CAMTA1: variants seen among roughly 807,000 people sequenced by gnomAD.
CAMTA1 encodes the protein calmodulin-binding transcription activator 1.
CAMTA1 carries 27 observed loss-of-function variants against 170.9 expected under a neutral mutation model. That is an observed-to-expected ratio of 0.16 (90% CI 0.12 to 0.22). The LOEUF is 0.22. CAMTA1 is among the 10% of genes least tolerant of loss of function. The pLI is 1.00. For missense variants in CAMTA1, 1,619 were observed against 2,217.2 expected, an observed-to-expected ratio of 0.73 and a Z score of 5.42; for synonymous variants, 833 against 891.5, an observed-to-expected ratio of 0.93 and a Z score of 1.17.
intron 4 of CAMTA1, among the ~76,000 whole-genome samples, chr1:7,103,776 CAT>C (rs979663336): frequency 6.6e-5 from 10 of 151,176 alleles, no homozygotes; most frequent in South Asian, 2.1e-4. Context: ...ACACAACACA[CAT>C]AACTACACGT....
At chr1:6,807,651 CG>C (rs1218966339) in intron 1 of CAMTA1, among the ~76,000 whole-genome samples, 5 of 148,422 alleles carry the variant, frequency 3.4e-5, no homozygotes, top group African/African-American at 1.3e-4. Flanking sequence ...ATCCAGGAGG[CG>C]GAGGTTGCAG....
At chr1:7,326,385 A>C (rs908331265) in intron 5 of CAMTA1, among the ~76,000 whole-genome samples, 24 of 152,320 alleles carry the variant, frequency 1.6e-4, no homozygotes, top group African/African-American at 5.8e-4. Context: ...GAGAGATTGA[A>C]TTCTGTCCCC....
At position 7,748,607 on chromosome 1, in the gene CAMTA1, A is replaced by G. The variant is rs1192045151; in HGVS notation, c.4689+826A>G. ...AGGGAATCCAGGGTGTGATACCGTG[A>G]TTGGAGAAAGTAAATGCTGGCTATT... On this transcript the variant is annotated intron_variant, in intron 19 of 22. Transcript: ENST00000303635. This position sits in a 1 kb window ranked among gnomAD's most constrained non-coding sequence, Gnocchi z 4.7. Among the ~76,000 whole-genome samples, 1 of 152,212 alleles carries G rather than the reference A, an allele frequency of 6.6e-6. No homozygotes were observed. The highest frequency in any genetic ancestry group is 1.5e-5 in the Non-Finnish European group (1 of 68,042).
intron 4 of CAMTA1, among the ~76,000 whole-genome samples, chr1:7,161,522 ATGATAGTGAATGAG>A (rs1470019931): frequency 7.7e-4 from 117 of 152,260 alleles, no homozygotes; most frequent in Admixed American, 2.0e-3. Context: ...TGCTGTTCTC[ATGATAGTGAATGAG>A]TCTCAGGAGA....
intron 3 of CAMTA1, among the ~76,000 whole-genome samples, chr1:7,052,716 C>T (rs1405068000): frequency 1.3e-5 from 2 of 152,194 alleles, no homozygotes; most frequent in Non-Finnish European, 2.9e-5. Flanking sequence ...TCCTCCTGAG[C>T]TGTGCCCACA....
chr1:6,794,137 G>T (rs775897757), intron 1 of CAMTA1, among the ~76,000 whole-genome samples: 1 of 152,212 alleles, frequency 6.6e-6, no homozygotes, highest in African/African-American at 2.4e-5. Flanking sequence ...ACATGCACAC[G>T]TATAAAGAAT....
chr1:7,397,880 C>T (rs1275148112), intron 5 of CAMTA1, among the ~76,000 whole-genome samples: 1 of 151,646 alleles, frequency 6.6e-6, no homozygotes, highest in Non-Finnish European at 1.5e-5. Flanking sequence ...CTTTTTGAGA[C>T]TTGTTTTGTG....
intron 4 of CAMTA1, among the ~76,000 whole-genome samples, chr1:7,129,817 C>T (rs991434509): frequency 6.6e-6 from 1 of 152,166 alleles, no homozygotes; most frequent in African/African-American, 2.4e-5. Context: ...CATCTCTAGA[C>T]AACCACTTAC....
Position 7,677,701 on chromosome 1 carries a change from C to A in CAMTA1, c.2882C>A (p.Pro961His), listed in dbSNP as rs2096136456. ...AAAGCCCGGGCTCTGCCCACGCTCC[C>A]TTCCTCCCAGCACGACTGGCTGTCG... ...EYKARALPTL[P>H]SSQHDWLSLD... Residue 961 changes from proline to histidine, a missense_variant, in exon 11 of 23, where the codon CCT becomes CAT. By Grantham distance (77) the Pro-to-His change is moderately conservative (BLOSUM62 -2). Around this residue, in one of 8 missense-constraint regions of CAMTA1, gnomAD observed 143 missense variants for 184.2 expected, o/e 0.78. Coordinates refer to ENST00000303635, the MANE Select transcript of CAMTA1 (RefSeq NM_015215.4). 2 of 1,614,016 alleles carry A rather than the reference C, an allele frequency of 1.2e-6. No homozygotes were observed. Among genetic ancestry groups the A allele is most frequent in the Non-Finnish European group, 1.7e-6 (2 of 1,180,022 alleles).
At chr1:7,719,817 T>C (rs1228501167) in intron 11 of CAMTA1, among the ~76,000 whole-genome samples, 1 of 152,212 alleles carries the variant, frequency 6.6e-6, no homozygotes, top group African/African-American at 2.4e-5. Flanking sequence ...TTTAGGAGAC[T>C]TCCTAAGCAG....
At chr1:6,943,737 C>T (rs1687094442) in intron 3 of CAMTA1, among the ~76,000 whole-genome samples, 1 of 151,046 alleles carries the variant, frequency 6.6e-6, no homozygotes, top group Non-Finnish European at 1.5e-5. Context: ...ACCCCAGCTA[C>T]TCAGGAGGCT....
At chr1:6,952,046 C>T (rs1055940276) in intron 3 of CAMTA1, among the ~76,000 whole-genome samples, 3 of 152,166 alleles carry the variant, frequency 2.0e-5, no homozygotes, top group South Asian at 2.1e-4. Context: ...GCCAGCCTGC[C>T]GTCTGCATCC....
At chr1:7,208,904 T>A (rs555274158) in intron 4 of CAMTA1, among the ~76,000 whole-genome samples, 21 of 152,286 alleles carry the variant, frequency 1.4e-4, no homozygotes, top group Middle Eastern at 3.4e-3. Context: ...TATAGAAAGC[T>A]ATGTGCTACA....
rs574844370 is a variant in CAMTA1 at position 7,588,888 on chromosome 1, G to A, written c.511-51512G>A. Among the ~76,000 whole-genome samples the A allele has an allele frequency of 3.3e-5, 5 of 152,200 alleles. No homozygotes were observed. Among genetic ancestry groups the A allele is most frequent in the Non-Finnish European group, 7.3e-5 (5 of 68,036 alleles). On this transcript the variant is annotated intron_variant, in intron 6 of 22. Coordinates refer to ENST00000303635, the MANE Select transcript of CAMTA1 (RefSeq NM_015215.4). The surrounding 1 kb of genome is among the most constrained non-coding windows in gnomAD (Gnocchi z 5.8). ...TGTTATTGGGCACCAGGGCAACCCC[G>A]CATCAGGTGCTTATTATTTTCTGCC... is the stretch of plus-strand genomic sequence containing the variant.
intron 1 of CAMTA1, among the ~76,000 whole-genome samples, chr1:6,796,962 A>C (rs1642676347): frequency 6.6e-6 from 1 of 152,228 alleles, no homozygotes; most frequent in South Asian, 2.1e-4. Context: ...AAACATTTAG[A>C]AATAAAACGT....
In CAMTA1 at chr1:7,463,707, G is replaced by A. The variant is rs149337017; in HGVS notation, c.439-4123G>A. ...GTAGGTGGGGGCAGAAATCTGCTGC[G>A]TCAGATGAGGCCGTAGAGAGCTGGC... On this transcript the variant is annotated intron_variant, in intron 5 of 22. Coordinates refer to ENST00000303635, the MANE Select transcript of CAMTA1 (RefSeq NM_015215.4). The surrounding 1 kb of genome is among the most constrained non-coding windows in gnomAD (Gnocchi z 4.7). Among the ~76,000 whole-genome samples the A allele has an allele frequency of 0.011, 1,684 of 152,270 alleles. 41 individuals are homozygous for A. Among genetic ancestry groups the A allele is most frequent in the African/African-American group, 0.036 (1,512 of 41,556 alleles).
At position 6,833,283 on chromosome 1, in the gene CAMTA1, G is replaced by T. The variant is rs1459848503; in HGVS notation, c.234+8073G>T. 4.3e-4 allele frequency among the ~76,000 whole-genome samples: 66 copies of T among 152,188 alleles called. 1 individual carries two copies. Among genetic ancestry groups the T allele is most frequent in the Admixed American group, 4.3e-3 (66 of 15,272 alleles). ...TTTTATTATACTATTACTTCAGCAT[G>T]TGGCACTTAACCTGGCCATAGTCAG... On this transcript the variant is annotated intron_variant, in intron 3 of 22. Transcript: ENST00000303635.
At chr1:7,491,335 C>A (rs2093700020) in intron 6 of CAMTA1, among the ~76,000 whole-genome samples, 1 of 152,176 alleles carries the variant, frequency 6.6e-6, no homozygotes, top group Admixed American at 6.5e-5. Flanking sequence ...ACTCTCACCC[C>A]CACCTGGTGA....
intron 6 of CAMTA1, among the ~76,000 whole-genome samples, chr1:7,548,052 G>A (rs2094724228): frequency 6.6e-6 from 1 of 152,238 alleles, no homozygotes; most frequent in Admixed American, 6.5e-5. Context: ...AAGATGGTCA[G>A]TGTGAGCATT....
Sources: allele counts gnomAD v4.1 joint callset (sites outside exome capture counted in the v4.1 genomes callset), GRCh38; gene constraint gnomAD v4.1.1; regional missense constraint gnomAD v4.1.1; non-coding constraint Gnocchi (gnomAD v3.1); transcripts MANE v1.5; gene names NCBI Gene and HGNC (gene_info 2026-07-23, HGNC 2026-07-21).